The following EFCAB6 variants were observed in gnomAD, a reference collection of about 807,000 sequenced individuals.
The protein encoded by EFCAB6 is EF-hand calcium binding domain 6, also known as EF-hand calcium-binding domain-containing protein 6.
EFCAB6 carries 156 observed loss-of-function variants against 169.8 expected under a neutral mutation model. The ratio of observed to expected loss-of-function variants is 0.92; its 90% CI spans 0.81 to 1.05. The LOEUF (loss-of-function observed/expected upper bound fraction) is 1.05, where lower values mean the gene tolerates loss of function less well. Ranked by LOEUF, EFCAB6 falls within the 50% of genes least tolerant of loss-of-function variation. EFCAB6 has a pLI of 0.00. For missense variants in EFCAB6, 1,800 were observed against 1,829.1 expected (o/e 0.98, Z 0.29); for synonymous variants, 698 against 676.4 (o/e 1.03, Z -0.50).
At chr22:43,566,818 C>G (rs1328069790) in intron 26 of EFCAB6, among the ~76,000 whole-genome samples, 1 of 151,346 alleles carries the variant, frequency 6.6e-6, no homozygotes, top group African/African-American at 2.4e-5. Flanking sequence ...TTTTGAGACG[C>G]CCACCCAGGG....
chr22:43,701,130 T>C (rs2058750280), intron 10 of EFCAB6, among the ~76,000 whole-genome samples: 1 of 152,204 alleles, frequency 6.6e-6, no homozygotes, highest in Admixed American at 6.5e-5. Context: ...TGCTGTCTTC[T>C]GGTAATACCA....
chr22:43,683,407 G>A (rs2058076665), intron 12 of EFCAB6, among the ~76,000 whole-genome samples: 1 of 152,118 alleles, frequency 6.6e-6, no homozygotes, highest in African/African-American at 2.4e-5. Flanking sequence ...GGTGGGGAAG[G>A]GTCACCAGGT....
chr22:43,545,836 G>C (rs1602171403), intron 27 of EFCAB6, among the ~76,000 whole-genome samples: 1 of 152,284 alleles, frequency 6.6e-6, no homozygotes, highest in South Asian at 2.1e-4. Context: ...CTTGGAAGAA[G>C]CAAACCCTAA....
chr22:43,762,457 C>G (rs1196528566), intron 5 of EFCAB6, among the ~76,000 whole-genome samples: 1 of 152,144 alleles, frequency 6.6e-6, no homozygotes, highest in Non-Finnish European at 1.5e-5. Flanking sequence ...AATTTTTACT[C>G]TATGTTTGGC....
chr22:43,644,076 G>A (rs973185544), intron 17 of EFCAB6, among the ~76,000 whole-genome samples: 17 of 152,066 alleles, frequency 1.1e-4, no homozygotes, highest in African/African-American at 3.9e-4. Flanking sequence ...CACCTGCCTC[G>A]GCCTCCCAAA....
intron 13 of EFCAB6, 32 bp from the exon 14 acceptor site, chr22:43,672,337 T>C: frequency 1.9e-6 from 3 of 1,610,074 alleles, no homozygotes; most frequent in Non-Finnish European, 2.5e-6. Flanking sequence ...TATAAATAAA[T>C]ACCACTCATG....
At chr22:43,699,147 T>C (rs965569629) in intron 10 of EFCAB6, among the ~76,000 whole-genome samples, 3 of 152,286 alleles carry the variant, frequency 2.0e-5, no homozygotes, top group African/African-American at 4.8e-5. Context: ...TCTGCTCTTA[T>C]CAACTCTGCA....
intron 2 of EFCAB6, among the ~76,000 whole-genome samples, chr22:43,784,404 G>A (rs995970363): frequency 2.1e-4 from 31 of 149,796 alleles, no homozygotes; most frequent in Non-Finnish European, 3.7e-4. Context: ...CAATCTCAGT[G>A]CTTTGAGAGG....
chr22:43,779,449 A>G (rs901960027), intron 3 of EFCAB6, among the ~76,000 whole-genome samples: 2 of 152,214 alleles, frequency 1.3e-5, no homozygotes, highest in Non-Finnish European at 2.9e-5. Context: ...AATTTTTAAA[A>G]AGTAAAAAAA....
In EFCAB6 at chr22:43,626,560, G is replaced by A. The variant is rs1162380652; in HGVS notation, c.2352C>T (p.Arg784=). 6.2e-6 allele frequency: 10 copies of A among 1,614,058 alleles called. No homozygotes were observed. Among genetic ancestry groups the A allele is most frequent in the Non-Finnish European group, 8.5e-6 (10 of 1,180,054 alleles). Residue 784 remains arginine (R), a synonymous_variant, in exon 20 of 32, where the codon CGC becomes CGT. Coordinates refer to ENST00000262726, the MANE Select transcript of EFCAB6 (RefSeq NM_022785.4). ...GTCTCAAGCCAAGAAGGCCAAGGAA[G>A]CGCTCAAACTCGTCGTCTTTGAGAT... is the stretch of plus-strand genomic sequence containing the variant. ...LLNLKDDEFE[R]FLGLLGLRLS...
chr22:43,713,226 G>A (rs910673681), intron 9 of EFCAB6, among the ~76,000 whole-genome samples: 19 of 152,168 alleles, frequency 1.2e-4, no homozygotes, highest in African/African-American at 4.3e-4. Flanking sequence ...ATAAGGTAAC[G>A]TGATCTCTAT....
intron 10 of EFCAB6, among the ~76,000 whole-genome samples, chr22:43,704,587 T>C (rs1002650204): frequency 6.6e-6 from 1 of 152,052 alleles, no homozygotes; most frequent in African/African-American, 2.4e-5. Context: ...TGTCAAGAAA[T>C]ATATAAGATT....
chr22:43,656,869 C>T (rs1201758976), intron 17 of EFCAB6, among the ~76,000 whole-genome samples: 1 of 152,204 alleles, frequency 6.6e-6, no homozygotes, highest in Non-Finnish European at 1.5e-5. Context: ...TGCACAACAA[C>T]CAAATCGCCT....
Position 43,667,235 on chromosome 22 carries a change from T to C in EFCAB6, c.1852A>G (p.Lys618Glu). The change falls in exon 17 of 32, where the codon AAG (lysine) becomes GAG (glutamate). Residue 618 changes from lysine (K) to glutamate (E), a missense_variant. Coordinates refer to ENST00000262726, the MANE Select transcript of EFCAB6 (RefSeq NM_022785.4). ...LTEDKTTLTK[K>E]MTTEEVIEKF... ...TCAATCACTTCTTCTGTGGTCATCT[T>C]CTTGGTCAGGGTGGTTTTATCCTCC... 1 of 1,614,166 alleles carries C rather than the reference T, an allele frequency of 6.2e-7. No individual in the cohort carries two copies. Among genetic ancestry groups the C allele is most frequent in the African/African-American group, 1.3e-5 (1 of 75,062 alleles).
intron 27 of EFCAB6, among the ~76,000 whole-genome samples, chr22:43,549,625 A>G (rs1385093284): frequency 6.6e-6 from 1 of 152,250 alleles, no homozygotes; most frequent in East Asian, 1.9e-4. Context: ...GACAGCTCCA[A>G]TCTTACCCAA....
At chr22:43,583,518 T>C (rs181917133) in intron 24 of EFCAB6, among the ~76,000 whole-genome samples, 49 of 152,182 alleles carry the variant, frequency 3.2e-4, no homozygotes, top group Non-Finnish European at 4.1e-4. Context: ...AAATCATAGA[T>C]ATGAAACAAA....
intron 6 of EFCAB6, among the ~76,000 whole-genome samples, chr22:43,738,380 TCACA>T (rs66471986): frequency 3.8e-4 from 57 of 151,224 alleles, no homozygotes; most frequent in Non-Finnish European, 6.0e-4. Context: ...ACACATATAT[TCACA>T]CACACATGCA....
chr22:43,536,386 C>T (rs922671732), intron 29 of EFCAB6: 1 of 152,122 alleles, frequency 6.6e-6, no homozygotes, highest in Admixed American at 6.5e-5. Flanking sequence ...ATTTTAAGGT[C>T]ATGATTATGA....
chr22:43,750,393 A>C (rs2060716299), intron 6 of EFCAB6, among the ~76,000 whole-genome samples: 2 of 152,212 alleles, frequency 1.3e-5, no homozygotes, highest in African/African-American at 4.8e-5. Context: ...CACTATATTC[A>C]GTTATGATTG....
Sources: allele counts gnomAD v4.1 joint callset (sites outside exome capture counted in the v4.1 genomes callset), GRCh38; gene constraint gnomAD v4.1.1; transcripts MANE v1.5; gene names NCBI Gene and HGNC (gene_info 2026-07-23, HGNC 2026-07-21).